Variants in ABL1 observed in about 807,000 individuals in gnomAD.
ABL1 encodes the protein ABL proto-oncogene 1, non-receptor tyrosine kinase, also known as tyrosine-protein kinase ABL1.
ABL1 carries 11 observed loss-of-function variants against 94.7 expected under a neutral mutation model. That is an observed-to-expected ratio of 0.12 (90% CI 0.07 to 0.19). ABL1 has a LOEUF of 0.19. Among genes scored for constraint, ABL1 ranks in the 10% least tolerant of loss-of-function variants. The pLI, the probability that ABL1 is intolerant of heterozygous loss-of-function variation, is 1.00. For missense variants in ABL1, 1,082 were observed against 1,489.4 expected (o/e 0.73, Z 4.50); for synonymous variants, 656 against 622.4 (o/e 1.05, Z -0.80).
chr9:130,741,640 G>A (rs781650023), intron 1 of ABL1, among the ~76,000 whole-genome samples: 1 of 149,880 alleles, frequency 6.7e-6, no homozygotes, highest in Non-Finnish European at 1.5e-5. Context: ...TTACTGCACT[G>A]ATAATACCAG....
At chr9:130,873,166 G>C in intron 6 of ABL1, 129 bp downstream of exon 6, 1 of 993,368 alleles carries the variant, frequency 1.0e-6, no homozygotes, top group South Asian at 1.8e-5. Flanking sequence ...CAACACATTG[G>C]ACCTTGGAAC....
chr9:130,744,283 C>T (rs1189666461), intron 1 of ABL1, among the ~76,000 whole-genome samples: 1 of 151,832 alleles, frequency 6.6e-6, no homozygotes, highest in African/African-American at 2.4e-5. Context: ...ACTGGGACTA[C>T]AGGCGCATGC....
intron 1 of ABL1, among the ~76,000 whole-genome samples, chr9:130,765,822 G>C (rs972535653): frequency 3.3e-5 from 5 of 152,148 alleles, no homozygotes; most frequent in Non-Finnish European, 5.9e-5. Context: ...AAGTTACTGT[G>C]AATCTAATGG....
intron 1 of ABL1, among the ~76,000 whole-genome samples, chr9:130,734,362 C>T (rs1413276769): frequency 2.0e-5 from 3 of 147,284 alleles, no homozygotes; most frequent in African/African-American, 7.5e-5. Flanking sequence ...TACAGGCACC[C>T]GCCACCATGC....
intron 4 of ABL1, among the ~76,000 whole-genome samples, chr9:130,865,187 C>T (rs563848130): frequency 5.9e-5 from 9 of 152,276 alleles, no homozygotes; most frequent in African/African-American, 2.2e-4. Flanking sequence ...TCCCAAGAGC[C>T]TAATTAACTT....
At chr9:130,734,089 G>A (rs890920073) in intron 1 of ABL1, among the ~76,000 whole-genome samples, 54 of 152,248 alleles carry the variant, frequency 3.5e-4, no homozygotes, top group Middle Eastern at 6.8e-3. Flanking sequence ...ATTACTTTTT[G>A]AGGATAGACT....
intron 1 of ABL1, among the ~76,000 whole-genome samples, chr9:130,758,846 C>T (rs1236756922): frequency 1.3e-5 from 2 of 152,162 alleles, no homozygotes; most frequent in Non-Finnish European, 2.9e-5. Context: ...TTGCAGTTTT[C>T]GGTGCATCTC....
At chr9:130,716,345 C>T (rs903772817) in intron 1 of ABL1, among the ~76,000 whole-genome samples, 2 of 152,142 alleles carry the variant, frequency 1.3e-5, no homozygotes, top group African/African-American at 4.8e-5. Context: ...GATCCACCCA[C>T]CTTGGCCTCC....
At chr9:130,777,401 A>G (rs1829681758) in intron 1 of ABL1, among the ~76,000 whole-genome samples, 1 of 152,032 alleles carries the variant, frequency 6.6e-6, no homozygotes, top group Admixed American at 6.6e-5. Flanking sequence ...GACACACTGC[A>G]TTAGTACCTT....
chr9:130,885,773 C>A lies in ABL1; in HGVS notation c.*90C>A. Reference sequence around the variant, plus strand: ...ACCCGTGACAGTGGCTGACAAGGGACTAGTGAGTCAGCACCTTGGCCCAGG... The same window carrying A: ...ACCCGTGACAGTGGCTGACAAGGGAATAGTGAGTCAGCACCTTGGCCCAGG... On this transcript the variant is annotated 3_prime_UTR_variant, in exon 11 of 11. Coordinates refer to ENST00000318560, the MANE Select transcript of ABL1 (RefSeq NM_005157.6). The A allele has an allele frequency of 6.8e-7, 1 of 1,475,104 alleles. No homozygotes were observed. The highest frequency in any genetic ancestry group is 9.0e-7 in the Non-Finnish European group (1 of 1,105,234). 91.4% of individuals were successfully genotyped at this position (1,475,104 alleles called of 1,614,324 possible).
chr9:130,785,081 G>A (rs935831305), intron 1 of ABL1, among the ~76,000 whole-genome samples: 22 of 152,126 alleles, frequency 1.4e-4, no homozygotes, highest in African/African-American at 5.3e-4. Flanking sequence ...GCCATGTTTC[G>A]TGACATGGGA....
At chr9:130,790,774 A>G (rs1829898771) in intron 1 of ABL1, among the ~76,000 whole-genome samples, 1 of 151,994 alleles carries the variant, frequency 6.6e-6, no homozygotes, top group African/African-American at 2.4e-5. Context: ...GTGTCGGGCC[A>G]GCATTCCACT....
Position 130,714,647 on chromosome 9 carries a change from A to G in ABL1, c.136+192A>G. On this transcript the variant is annotated intron_variant, in intron 1 of 10. Coordinates refer to the ABL1 transcript ENST00000372348. ...ACTTCGTGACTTCGGCTTTATTCAA[A>G]ATCTATTTGAGTTGCTTATTTCTTG... 3.9e-6 allele frequency: 3 copies of G among 767,704 alleles called. No homozygotes were observed. The Admixed American group carries it at 6.4e-5, about 16-fold the overall frequency. 47.6% of individuals were successfully genotyped at this position (767,704 alleles called of 1,614,324 possible). A position where few individuals can be genotyped will look rare whatever the true frequency, so the allele number is the denominator to read the frequency against.
intron 1 of ABL1, among the ~76,000 whole-genome samples, chr9:130,826,511 G>A (rs548429772): frequency 2.0e-4 from 31 of 152,264 alleles, no homozygotes; most frequent in African/African-American, 7.2e-4. Flanking sequence ...CAAAGAGAGT[G>A]GTAATAGATT....
intron 1 of ABL1, among the ~76,000 whole-genome samples, chr9:130,735,477 G>GTT (rs556969254): frequency 5.8e-4 from 83 of 143,924 alleles, no homozygotes; most frequent in African/African-American, 1.8e-3. Context: ...TTTGTGTGTG[G>GTT]TTTTTTTTTT....
chr9:130,880,730 A>T lies in ABL1; in HGVS notation c.1678+66A>T. ...CCCTGCCAGAGGCTACATTCAGGCC[A>T]TCATAGGCCAACGGGAAGCTGTGAA... On this transcript the variant is annotated intron_variant, in intron 10 of 10. Transcript: ENST00000318560. The surrounding 1 kb of genome is among the most constrained non-coding windows in gnomAD (Gnocchi z 4.4). 6.4e-7 allele frequency: 1 copy of T among 1,563,062 alleles called. No individual in the cohort carries two copies.
intron 1 of ABL1, among the ~76,000 whole-genome samples, chr9:130,736,592 A>C (rs1161365551): frequency 6.6e-6 from 1 of 151,844 alleles, no homozygotes; most frequent in Non-Finnish European, 1.5e-5. Flanking sequence ...CCTAGGTTCA[A>C]GCAATTCTTC....
At chr9:130,805,994 T>G (rs555434189) in intron 1 of ABL1, among the ~76,000 whole-genome samples, 7 of 152,184 alleles carry the variant, frequency 4.6e-5, no homozygotes, top group Non-Finnish European at 1.0e-4. Context: ...GGTGGAATTA[T>G]ACCAGTCAGA....
intron 1 of ABL1, among the ~76,000 whole-genome samples, chr9:130,735,962 T>TATATATATATA (rs1554757971): frequency 1.2e-4 from 6 of 48,696 alleles, no homozygotes; most frequent in African/African-American, 8.3e-4. Flanking sequence ...TATATATATA[T>TATATATATATA]TTTTTTTTTT....
Sources: allele counts gnomAD v4.1 joint callset (sites outside exome capture counted in the v4.1 genomes callset), GRCh38; gene constraint gnomAD v4.1.1; non-coding constraint Gnocchi (gnomAD v3.1); transcripts MANE v1.5; gene names NCBI Gene and HGNC (gene_info 2026-07-23, HGNC 2026-07-21).